The following PCDHA5 variants were observed in gnomAD, a reference collection of about 807,000 sequenced individuals.
PCDHA5 encodes the protein protocadherin alpha-5.
Under a neutral mutation model 61.6 loss-of-function variants are expected in PCDHA5, and 43 were observed. The ratio of observed to expected loss-of-function variants is 0.70; its 90% CI spans 0.55 to 0.90. The LOEUF is 0.90. Ranked by LOEUF, PCDHA5 falls within the 40% of genes least tolerant of loss-of-function variation. The pLI is 0.00. For missense variants in PCDHA5, 1,298 were observed against 1,222.7 expected (o/e 1.06, Z -0.92); for synonymous variants, 627 against 543.9 (o/e 1.15, Z -2.13).
intron 1 of PCDHA5, chr5:140,828,723 T>G (rs1554131483): frequency 7.4e-6 from 12 of 1,614,088 alleles, no homozygotes; most frequent in Admixed American, 1.7e-5. Flanking sequence ...CACAACTTAT[T>G]CCTGACAGCC....
chr5:140,858,282 G>A (rs782040852), intron 1 of PCDHA5: 1 of 1,597,598 alleles, frequency 6.3e-7, no homozygotes, highest in Admixed American at 1.7e-5. Context: ...GCGGTGGGGA[G>A]CTGGTCTTAC....
rs149711844 is a variant in PCDHA5 at position 140,884,286 on chromosome 5, G to T, written c.2352+60159G>T. On this transcript the variant is annotated intron_variant, in intron 1 of 3. Coordinates refer to ENST00000529859, the MANE Select transcript of PCDHA5 (RefSeq NM_018908.3). ...GTGCTGTTGTCGCTGGTGGAGAGCG[G>T]CCAAGCGCCACAGGCTTCGTCGAGG... 1.6e-4 allele frequency: 258 copies of T among 1,613,626 alleles called. No individual in the cohort carries two copies. The highest frequency in any genetic ancestry group is 2.1e-4 in the Non-Finnish European group (242 of 1,179,820).
chr5:140,973,936 G>A (rs2096608372), intron 1 of PCDHA5, among the ~76,000 whole-genome samples: 1 of 152,334 alleles, frequency 6.6e-6, no homozygotes, highest in Admixed American at 6.5e-5. Context: ...AGGTTTAGCT[G>A]AATATGATGG....
Position 140,968,451 on chromosome 5 carries a change from C to T in PCDHA5, c.2353-10498C>T, listed in dbSNP as rs782416830. 9 of 1,614,130 alleles carry T rather than the reference C, an allele frequency of 5.6e-6. No homozygotes were observed. The South Asian group carries it at 9.9e-5, about 18-fold the overall frequency. ...AAGGGGAGCCCACCACTGAGCAGCACTGTGACTGCCAACGTATATGTGGTG... is the reference window on the plus strand; with the variant it reads ...AAGGGGAGCCCACCACTGAGCAGCATTGTGACTGCCAACGTATATGTGGTG... On this transcript the variant is annotated intron_variant, in intron 1 of 3. Transcript: ENST00000529859.
intron 3 of PCDHA5, among the ~76,000 whole-genome samples, chr5:141,005,783 C>T (rs79683532): frequency 0.097 from 14,322 of 148,270 alleles, 898 homozygotes; most frequent in African/African-American, 0.18. Context: ...TGTAAAGATC[C>T]TGAGGCAAAA....
intron 1 of PCDHA5, chr5:140,824,859 A>G (rs1768373145): frequency 1.3e-5 from 2 of 152,032 alleles, no homozygotes; most frequent in African/African-American, 4.8e-5. Flanking sequence ...TTTGTTTTCA[A>G]TTGTATTTTT....
chr5:140,876,992 A>T (rs1222630901), intron 1 of PCDHA5: 1 of 1,612,438 alleles, frequency 6.2e-7, no homozygotes, highest in Non-Finnish European at 8.5e-7. Flanking sequence ...CTGTCGAGCT[A>T]CGTGTCGGTG....
intron 1 of PCDHA5, chr5:140,856,200 T>C (rs1463727286): frequency 6.3e-7 from 1 of 1,597,908 alleles, no homozygotes; most frequent in Non-Finnish European, 8.6e-7. Flanking sequence ...GCGCAGGACC[T>C]GGGGCTGGAG....
intron 3 of PCDHA5, among the ~76,000 whole-genome samples, chr5:140,997,129 C>A (rs983112049): frequency 6.6e-6 from 1 of 151,976 alleles, no homozygotes; most frequent in Non-Finnish European, 1.5e-5. Flanking sequence ...ATACACAATG[C>A]CCCCACACCC....
chr5:140,968,506 G>T (rs781902536), intron 1 of PCDHA5: 2 of 1,614,176 alleles, frequency 1.2e-6, no homozygotes, highest in South Asian at 2.2e-5. Context: ...CTCACATTCT[G>T]TACCCTACCT....
chr5:140,887,446 C>T (rs554116341), intron 1 of PCDHA5, among the ~76,000 whole-genome samples: 1 of 152,170 alleles, frequency 6.6e-6, no homozygotes, highest in East Asian at 1.9e-4. Flanking sequence ...GCATAGTTGA[C>T]AGTTTTTTAA....
chr5:140,927,340 G>C, intron 1 of PCDHA5: 1 of 1,614,030 alleles, frequency 6.2e-7, no homozygotes, highest in Non-Finnish European at 8.5e-7. Flanking sequence ...GAATGCCCAA[G>C]ATGACGACGA....
Position 140,829,283 on chromosome 5 carries a change from G to C in PCDHA5, c.2352+5156G>C. On this transcript the variant is annotated intron_variant, in intron 1 of 3. Transcript: ENST00000529859. ...GACGCCTCACGTCCCTTTCAAGCTG[G>C]TGTCCACCTTCAAGAATTACTACTC... The C allele has an allele frequency of 6.2e-7, 1 of 1,614,260 alleles. No homozygotes were observed.
intron 1 of PCDHA5, chr5:140,966,401 C>G (rs1218132824): frequency 2.5e-6 from 1 of 404,878 alleles, no homozygotes; most frequent in African/African-American, 2.1e-5. Flanking sequence ...CACTTCGGCG[C>G]GGAATCAGAG....
At chr5:140,871,552 AGT>A in intron 1 of PCDHA5, 1 of 1,493,376 alleles carries the variant, frequency 6.7e-7, no homozygotes, top group Non-Finnish European at 8.9e-7. Context: ...TTTAAAATCC[AGT>A]TTTTTTTCAC....
chr5:140,900,380 C>T (rs554914375), intron 1 of PCDHA5, among the ~76,000 whole-genome samples: 2 of 152,208 alleles, frequency 1.3e-5, no homozygotes, highest in Admixed American at 6.5e-5. Flanking sequence ...TGGGTTCAAG[C>T]GATTCTCCTG....
chr5:140,876,259 C>T (rs1554168431), intron 1 of PCDHA5: 7 of 1,613,952 alleles, frequency 4.3e-6, no homozygotes, highest in South Asian at 1.1e-5. Flanking sequence ...AAGAGTGATC[C>T]AACTAAATGC....
intron 1 of PCDHA5, chr5:140,884,234 G>T (rs375170723): frequency 3.7e-6 from 6 of 1,613,500 alleles, no homozygotes; most frequent in Non-Finnish European, 4.2e-6. Context: ...GGACCACGGT[G>T]AGCCCGCGCT....
In PCDHA5 at chr5:140,823,832, T is replaced by G. The variant is rs1554129625; in HGVS notation, c.2057T>G (p.Val686Gly). 2 of 1,613,836 alleles carry G rather than the reference T, an allele frequency of 1.2e-6. No individual in the cohort carries two copies. Among genetic ancestry groups the G allele is most frequent in the African/African-American group, 1.3e-5 (1 of 75,058 alleles). Reference sequence around the variant, plus strand: ...TCATCGCGGGCGTCGGCGGGCGCTGTGGGTCCCGAGGCTGCCCTGGTGGAT... The same window carrying G: ...TCATCGCGGGCGTCGGCGGGCGCTGGGGGTCCCGAGGCTGCCCTGGTGGAT... ...KASSRASAGA[V>G]GPEAALVDVN... The change falls in exon 1 of 4, where the codon GTG (valine) becomes GGG (glycine). Residue 686 changes from valine to glycine, a missense_variant. Coordinates refer to ENST00000529859, the MANE Select transcript of PCDHA5 (RefSeq NM_018908.3).
Sources: allele counts gnomAD v4.1 joint callset (sites outside exome capture counted in the v4.1 genomes callset), GRCh38; gene constraint gnomAD v4.1.1; transcripts MANE v1.5; gene names NCBI Gene and HGNC (gene_info 2026-07-23, HGNC 2026-07-21).